The following STRA6 variants were observed in gnomAD, a reference collection of about 807,000 sequenced individuals.
The protein encoded by STRA6 is signaling receptor and transporter of retinol STRA6, also known as receptor for retinol uptake STRA6.
In STRA6, 48 loss-of-function variants were observed where a neutral mutation model predicts 83.6. That is an observed-to-expected ratio of 0.57 (90% CI 0.46 to 0.73). STRA6 has a LOEUF of 0.73. Ranked by LOEUF, STRA6 falls within the 30% of genes least tolerant of loss-of-function variation. The probability of loss-of-function intolerance (pLI) is 0.00; values close to 1 mark genes in which losing one functional copy is unlikely to be tolerated. For synonymous variants in STRA6, 353 were observed against 362.3 expected (o/e 0.97, Z 0.29); for missense variants, 760 against 838.8 (o/e 0.91, Z 1.16).
In STRA6 at chr15:74,195,336, A is replaced by G; in HGVS notation, c.563T>C (p.Val188Ala). The change falls in exon 7 of 19, where the codon GTC becomes GCC. Residue 188 changes from valine (V) to alanine (A), a missense_variant. Coordinates refer to ENST00000395105, the MANE Select transcript of STRA6 (RefSeq NM_022369.4). ...TLSWAHLGVQVWQRAECPQVP... is the reference protein window; with the variant it reads ...TLSWAHLGVQAWQRAECPQVP... ...CTGGGGACACTCTGCCCTCTGCCAGACCTGGACCCCAAGGTGGGCCCAGGA... is the reference window on the plus strand; with the variant it reads ...CTGGGGACACTCTGCCCTCTGCCAGGCCTGGACCCCAAGGTGGGCCCAGGA... 4.3e-6 allele frequency: 7 copies of G among 1,613,342 alleles called. No homozygotes were observed. The highest frequency in any genetic ancestry group is 5.1e-6 in the Non-Finnish European group (6 of 1,179,984).
At chr15:74,191,997 T>G in intron 8 of STRA6, 1 of 183,112 alleles carries the variant, frequency 5.5e-6, no homozygotes, top group Non-Finnish European at 1.2e-5. Flanking sequence ...GGCCTTAAGC[T>G]GCCTGTGAAG....
intron 8 of STRA6, among the ~76,000 whole-genome samples, chr15:74,193,349 C>T (rs1016214117): frequency 2.2e-4 from 33 of 152,152 alleles, no homozygotes; most frequent in African/African-American, 6.8e-4. Flanking sequence ...TCTAGGAAGC[C>T]CTCTCAGCCC....
In STRA6 at chr15:74,196,117, G is replaced by T; in HGVS notation, c.297C>A (p.Pro99=). The change falls in exon 5 of 19, where the codon CCC becomes CCA. Residue 99 remains proline, a synonymous_variant. Transcript: ENST00000395105. ...TGAAAACAGCAGCAGGCACTGCCCG[G>T]GGCCTGTCCCCAGCCAAGAAATCCA... ...SPVDFLAGDR[P]RAVPAAVFMV... 6.2e-7 allele frequency: 1 copy of T among 1,613,930 alleles called. No individual in the cohort carries two copies. The highest frequency in any genetic ancestry group is 8.5e-7 in the Non-Finnish European group (1 of 1,179,994).
At chr15:74,207,783 T>C (rs1049436098), upstream of STRA6, 29 of 1,535,658 alleles carry the variant, frequency 1.9e-5, no homozygotes, top group Non-Finnish European at 2.5e-5. Flanking sequence ...GGGTGTGCCC[T>C]CAGTGGCACA....
chr15:74,181,396 A>G lies in STRA6; in HGVS notation c.1583T>C (p.Val528Ala), dbSNP rs1273075094. The change falls in exon 17 of 19, where the codon GTG (valine) becomes GCG (alanine). Residue 528 changes from valine to alanine, a missense_variant. Coordinates refer to ENST00000395105, the MANE Select transcript of STRA6 (RefSeq NM_022369.4). ...AGAGAGGAGCACTCGCCAGGTGGCCACCATGGCACCCACCAGCACATTGAG... is the reference window on the plus strand; with the variant it reads ...AGAGAGGAGCACTCGCCAGGTGGCCGCCATGGCACCCACCAGCACATTGAG... Reference protein sequence around the residue: ...FPLNVLVGAMVATWRVLLSAL... With the variant: ...FPLNVLVGAMAATWRVLLSAL... The G allele has an allele frequency of 6.2e-7, 1 of 1,613,412 alleles. No individual in the cohort carries two copies. The highest frequency in any genetic ancestry group is 1.7e-4 in the Middle Eastern group (1 of 6,060).
intron 16 of STRA6, 140 bp from the exon 17 acceptor site, chr15:74,181,598 C>G (rs1157182729): frequency 1.7e-6 from 2 of 1,201,158 alleles, no homozygotes; most frequent in Non-Finnish European, 2.4e-6. Context: ...TGCACCCCAC[C>G]CTGGGCAAGG....
intron 14 of STRA6, chr15:74,183,620 T>A: frequency 1.4e-6 from 2 of 1,387,650 alleles, no homozygotes; most frequent in South Asian, 2.9e-5. Flanking sequence ...CACCCAGGGT[T>A]CATCTCCATG....
intron 18 of STRA6, 118 bp downstream of exon 18, chr15:74,180,664 G>A (rs1469416580): frequency 6.9e-7 from 1 of 1,439,178 alleles, no homozygotes; most frequent in African/African-American, 1.4e-5. Flanking sequence ...AGGCAGCCAA[G>A]GAAGAGAGGA....
chr15:74,184,982 G>A lies in STRA6; in HGVS notation c.1164C>T (p.His388=). The change falls in exon 13 of 19, where the codon CAC becomes CAT. Residue 388 remains histidine (H), a splice_region_variant and synonymous_variant. Transcript: ENST00000395105. ...GTGAGCCAGAGTCTGTCACTCACCT[G>A]TGTGTCACCAGTGAGCGCATCAGGA... is the stretch of plus-strand genomic sequence containing the variant. ...FLVLMRSLVT[H]RTNLRALHRG... 1.9e-6 allele frequency: 3 copies of A among 1,613,834 alleles called. No homozygotes were observed. The highest frequency in any genetic ancestry group is 1.7e-6 in the Non-Finnish European group (2 of 1,179,872).
chr15:74,205,364 C>T (rs117413193), upstream of STRA6, among the ~76,000 whole-genome samples: 2,726 of 152,238 alleles, frequency 0.018, 26 homozygotes, highest in South Asian at 0.042. Context: ...TGGGGAGGGC[C>T]TCAGGAAACC....
At chr15:74,207,035 T>A (rs1482443346), upstream of STRA6, among the ~76,000 whole-genome samples, 1 of 152,252 alleles carries the variant, frequency 6.6e-6, no homozygotes, top group Non-Finnish European at 1.5e-5. Flanking sequence ...ACAGAGCTGC[T>A]ATGCCCCTCG....
intron 11 of STRA6, 117 bp from the exon 12 acceptor site, chr15:74,189,394 T>C (rs1350619450): frequency 7.0e-6 from 10 of 1,425,610 alleles, no homozygotes; most frequent in Non-Finnish European, 8.6e-6. Context: ...CCATTGCCCA[T>C]CAGTGTTCTT....
At chr15:74,195,767 A>ATT in intron 5 of STRA6, 92 bp from the exon 6 acceptor site, 1 of 885,678 alleles carries the variant, frequency 1.1e-6, no homozygotes, top group Middle Eastern at 2.3e-4. Context: ...CAAATACTCA[A>ATT]TTTAAGATAC....
chr15:74,192,829 A>G (rs1425853284), intron 8 of STRA6, among the ~76,000 whole-genome samples: 1 of 152,158 alleles, frequency 6.6e-6, no homozygotes, highest in Non-Finnish European at 1.5e-5. Context: ...CTCTCACCAG[A>G]AAGAAGTAGT....
upstream of STRA6, chr15:74,209,410 C>A: frequency 6.5e-7 from 1 of 1,535,604 alleles, no homozygotes; most frequent in Non-Finnish European, 8.7e-7. Flanking sequence ...TGATGAATTG[C>A]CAGAGGGGAA....
At chr15:74,185,394 C>G (rs1384030267) in intron 12 of STRA6, among the ~76,000 whole-genome samples, 1 of 152,240 alleles carries the variant, frequency 6.6e-6, no homozygotes, top group Non-Finnish European at 1.5e-5. Flanking sequence ...GGCCATGTGG[C>G]CTTCAGGAGG....
upstream of STRA6, among the ~76,000 whole-genome samples, chr15:74,204,177 A>C (rs1345020413): frequency 6.6e-6 from 1 of 152,190 alleles, no homozygotes; most frequent in Non-Finnish European, 1.5e-5. Flanking sequence ...ATTTGATGTA[A>C]TGAGGAGCCC....
chr15:74,197,399 T>C lies in STRA6; in HGVS notation c.205A>G (p.Met69Val), dbSNP rs1333132509. ...CAGAGCTGGCGGCGCCTCACCAGCA[T>C]GGCCAGGAGCAGCAGCACAAGGATC... ...LSILVLLLLA[M>V]LVRRRQLWPD... The change falls in exon 4 of 19, where the codon ATG becomes GTG. Residue 69 changes from methionine to valine, a missense_variant. Coordinates refer to ENST00000395105, the MANE Select transcript of STRA6 (RefSeq NM_022369.4). 1 of 1,550,424 alleles carries C rather than the reference T, an allele frequency of 6.4e-7. No homozygotes were observed. Among genetic ancestry groups the C allele is most frequent in the Non-Finnish European group, 8.7e-7 (1 of 1,146,914 alleles).
chr15:74,209,012 T>C (rs909381448), exon 1 of STRA6: 1 of 1,072,862 alleles, frequency 9.3e-7, no homozygotes. Context: ...CAGCACCTGC[T>C]TTAAAAGGTG....
Sources: allele counts gnomAD v4.1 joint callset (sites outside exome capture counted in the v4.1 genomes callset), GRCh38; gene constraint gnomAD v4.1.1; transcripts MANE v1.5; gene names NCBI Gene and HGNC (gene_info 2026-07-23, HGNC 2026-07-21).